RFLNA: variants seen among roughly 807,000 people sequenced by gnomAD.
RFLNA encodes refilin-A.
A neutral mutation model predicts 7.8 loss-of-function variants in RFLNA; 5 were observed. That is an observed-to-expected ratio of 0.64 (90% CI 0.34 to 1.35). The LOEUF is 1.35. Among genes scored for constraint, RFLNA ranks in the 40% most tolerant of loss-of-function variants. The pLI, the probability that RFLNA is intolerant of heterozygous loss-of-function variation, is 0.04. For missense variants in RFLNA, 278 were observed against 305.5 expected (o/e 0.91, Z 0.67); for synonymous variants, 141 against 131.3 (o/e 1.07, Z -0.50).
rs370264399 is a variant in RFLNA at position 124,306,419 on chromosome 12, C to A, written c.208-5399C>A. ...CAGCCTCGGGTCACAGACAAGGGGC[C>A]GAGACAGGAACAGGCAGAGGCCCGA... is the stretch of plus-strand genomic sequence containing the variant. On this transcript the variant is annotated intron_variant, in intron 1 of 2. Transcript: ENST00000546355. The surrounding 1 kb of genome is among the most constrained non-coding windows in gnomAD (Gnocchi z 5.2). Among the ~76,000 whole-genome samples the A allele has an allele frequency of 2.7e-3, 407 of 152,062 alleles. No homozygotes were observed. The highest frequency in any genetic ancestry group is 9.0e-3 in the African/African-American group (372 of 41,486).
chr12:124,289,905 G>A lies in RFLNA; in HGVS notation c.-37+535G>A, dbSNP rs911376214. ...GAGGATGCAGAGTCCCAGGTCTCACGGTTGTACAGTCACCGGGACCTTCAC... is the reference window on the plus strand; with the variant it reads ...GAGGATGCAGAGTCCCAGGTCTCACAGTTGTACAGTCACCGGGACCTTCAC... On this transcript the variant is annotated intron_variant, in intron 1 of 2. Transcript: ENST00000324038. This position sits in a 1 kb window ranked among gnomAD's most constrained non-coding sequence, Gnocchi z 5.0. Among the ~76,000 whole-genome samples the A allele has an allele frequency of 2.6e-5, 4 of 152,166 alleles. No homozygotes were observed. Among genetic ancestry groups the A allele is most frequent in the East Asian group, 1.9e-4 (1 of 5,194 alleles).
intron 2 of RFLNA, among the ~76,000 whole-genome samples, chr12:124,312,134 C>T (rs930703688): frequency 2.6e-5 from 4 of 152,050 alleles, no homozygotes; most frequent in Non-Finnish European, 5.9e-5. Flanking sequence ...GAGACTCTGA[C>T]CCCAAGGGAC....
chr12:124,299,246 G>A (rs1406181301), intron 1 of RFLNA, among the ~76,000 whole-genome samples: 1 of 152,262 alleles, frequency 6.6e-6, no homozygotes, highest in African/African-American at 2.4e-5. Flanking sequence ...ATGCGGGCAG[G>A]GACCTGTCTC....
chr12:124,306,668 C>A lies in RFLNA; in HGVS notation c.208-5150C>A, dbSNP rs12423827. Among the ~76,000 whole-genome samples the A allele has an allele frequency of 0.04, 6,145 of 152,244 alleles. 226 individuals carry two copies. The highest frequency in any genetic ancestry group is 0.15 in the East Asian group (771 of 5,156). ...TTTCCACATGTGGAAAATGGGGGTGCTGCCAGCAGCTGCGTGCTGGGGTTT... is the reference window on the plus strand; with the variant it reads ...TTTCCACATGTGGAAAATGGGGGTGATGCCAGCAGCTGCGTGCTGGGGTTT... On this transcript the variant is annotated intron_variant, in intron 1 of 2. Transcript: ENST00000546355. This position sits in a 1 kb window ranked among gnomAD's most constrained non-coding sequence, Gnocchi z 5.2.
At chr12:124,302,278 G>A (rs2034051528) in intron 1 of RFLNA, among the ~76,000 whole-genome samples, 1 of 152,174 alleles carries the variant, frequency 6.6e-6, no homozygotes. Context: ...TTGCTGACTT[G>A]GGTGCACCAG....
chr12:124,295,680 G>C, intron 1 of RFLNA, 44 bp downstream of exon 1: 1 of 1,232,408 alleles, frequency 8.1e-7, no homozygotes, highest in Non-Finnish European at 1.0e-6. Context: ...CGCGTGGGCG[G>C]GTGGGTGAGG....
At chr12:124,291,056 C>T (rs2033817749), upstream of RFLNA, among the ~76,000 whole-genome samples, 1 of 152,152 alleles carries the variant, frequency 6.6e-6, no homozygotes, top group African/African-American at 2.4e-5. Context: ...TTGCAGTTGT[C>T]AGGCATGACG....
At chr12:124,308,133 C>T (rs2034170155) in intron 1 of RFLNA, among the ~76,000 whole-genome samples, 1 of 152,264 alleles carries the variant, frequency 6.6e-6, no homozygotes, top group Admixed American at 6.5e-5. Context: ...AGGCGTGCAC[C>T]ACCATACCTG....
At chr12:124,291,525 G>C (rs2033824947), upstream of RFLNA, among the ~76,000 whole-genome samples, 1 of 152,146 alleles carries the variant, frequency 6.6e-6, no homozygotes, top group African/African-American at 2.4e-5. Flanking sequence ...CCAAAGTGCT[G>C]GGATTACAGG....
intron 2 of RFLNA, among the ~76,000 whole-genome samples, chr12:124,312,369 G>A (rs919219296): frequency 2.7e-5 from 4 of 150,628 alleles, no homozygotes; most frequent in Admixed American, 6.6e-5. Flanking sequence ...GAAGTGCAGT[G>A]GTGGGATCAT....
chr12:124,312,079 T>G (rs1215189922), intron 2 of RFLNA, 152 bp downstream of exon 2: 4 of 949,564 alleles, frequency 4.2e-6, no homozygotes, highest in Non-Finnish European at 4.4e-6. Flanking sequence ...TGCTGCTTCC[T>G]GGGGAGTTTG....
chr12:124,310,870 C>G (rs943620517), intron 1 of RFLNA, among the ~76,000 whole-genome samples: 1 of 152,178 alleles, frequency 6.6e-6, no homozygotes, highest in African/African-American at 2.4e-5. Context: ...CTCTCTTTCC[C>G]CACCTTGCCA....
intron 1 of RFLNA, among the ~76,000 whole-genome samples, chr12:124,308,489 G>A (rs189252472): frequency 5.3e-5 from 8 of 152,340 alleles, no homozygotes; most frequent in Admixed American, 2.0e-4. Context: ...ACCTCTGGCC[G>A]TGTTTTTGGT....
upstream of RFLNA, among the ~76,000 whole-genome samples, chr12:124,290,116 A>T (rs779816763): frequency 6.6e-6 from 1 of 152,206 alleles, no homozygotes; most frequent in Non-Finnish European, 1.5e-5. The surrounding 1 kb of genome is among the most constrained non-coding windows in gnomAD (Gnocchi z 4.0). Context: ...TTCCCTAAAA[A>T]TAGGCAAGAG....
upstream of RFLNA, among the ~76,000 whole-genome samples, chr12:124,293,840 T>C (rs566665459): frequency 2.6e-5 from 4 of 152,210 alleles, no homozygotes; most frequent in Non-Finnish European, 5.9e-5. Flanking sequence ...CATGGTGCGC[T>C]AATTCTCACT....
chr12:124,303,577 CCCT>C (rs1566324730), intron 1 of RFLNA, among the ~76,000 whole-genome samples: 1 of 152,168 alleles, frequency 6.6e-6, no homozygotes, highest in African/African-American at 2.4e-5. Flanking sequence ...ATCTGGGTGA[CCCT>C]CCTGTGTGCC....
intron 2 of RFLNA, among the ~76,000 whole-genome samples, chr12:124,312,559 C>T (rs2034264866): frequency 6.6e-6 from 1 of 152,168 alleles, no homozygotes; most frequent in South Asian, 2.1e-4. Flanking sequence ...GATCCTCCTG[C>T]CTCAGCCTCC....
At chr12:124,311,676 C>G in intron 1 of RFLNA, 142 bp from the exon 2 acceptor site, 1 of 717,734 alleles carries the variant, frequency 1.4e-6, no homozygotes, top group Non-Finnish European at 2.1e-6. Flanking sequence ...CCCCACAAAG[C>G]GGCTTCCTGA....
intron 1 of RFLNA, among the ~76,000 whole-genome samples, chr12:124,303,369 G>T (rs2034080056): frequency 6.6e-6 from 1 of 152,200 alleles, no homozygotes; most frequent in Admixed American, 6.5e-5. Flanking sequence ...GGTGGGGCCT[G>T]GTGGGCCCTT....
Sources: allele counts gnomAD v4.1 joint callset (sites outside exome capture counted in the v4.1 genomes callset), GRCh38; gene constraint gnomAD v4.1.1; non-coding constraint Gnocchi (gnomAD v3.1); transcripts MANE v1.5; gene names NCBI Gene and HGNC (gene_info 2026-07-23, HGNC 2026-07-21).